MAG: variants seen among roughly 807,000 people sequenced by gnomAD.
MAG encodes the protein myelin associated glycoprotein, also known as myelin-associated glycoprotein.
In MAG, 30 loss-of-function variants were observed where a neutral mutation model predicts 60.7. The ratio of observed to expected loss-of-function variants is 0.49; its 90% CI spans 0.37 to 0.67. The LOEUF (loss-of-function observed/expected upper bound fraction) is 0.67, where lower values mean the gene tolerates loss of function less well. Among genes scored for constraint, MAG ranks in the 30% least tolerant of loss-of-function variants. The probability of loss-of-function intolerance (pLI) is 0.00; values close to 1 mark genes in which losing one functional copy is unlikely to be tolerated. For synonymous variants in MAG, 384 were observed against 376.8 expected (o/e 1.02, Z -0.22); for missense variants, 795 against 851.7 (o/e 0.93, Z 0.83).
rs539216827 is a variant in MAG at position 35,303,756 on chromosome 19, G to A, written c.1231+1048G>A. Among the ~76,000 whole-genome samples the A allele has an allele frequency of 8.9e-4, 135 of 152,058 alleles. 1 individual carries two copies. The highest frequency in any genetic ancestry group is 7.7e-4 in the East Asian group (4 of 5,166). ...ACTCACCATTGCACCGCTGGCCAGC[G>A]CCTCTCATCTCCTCACTATGGACTG... On this transcript the variant is annotated intron_variant, in intron 7 of 10. Transcript: ENST00000392213.
intron 7 of MAG, among the ~76,000 whole-genome samples, chr19:35,308,029 C>T (rs193298561): frequency 2.9e-4 from 44 of 152,274 alleles, no homozygotes; most frequent in Non-Finnish European, 5.9e-4. Flanking sequence ...CATGGTTCCT[C>T]CCTTCTACGT....
intron 7 of MAG, 160 bp from the exon 8 acceptor site, chr19:35,309,714 C>G (rs1263849665): frequency 3.8e-6 from 3 of 785,318 alleles, no homozygotes; most frequent in Non-Finnish European, 6.2e-6. Flanking sequence ...AAGGCGCTCT[C>G]AGTCAGGACA....
intron 5 of MAG, 127 bp from the exon 6 acceptor site, chr19:35,300,020 A>C (rs2066435923): frequency 5.0e-6 from 4 of 806,764 alleles, no homozygotes; most frequent in Admixed American, 6.8e-5. Context: ...GGAACCAGGC[A>C]GTCCTGGGGC....
chr19:35,293,109 G>A lies in MAG; in HGVS notation c.-80+905G>A, dbSNP rs150783518. Among the ~76,000 whole-genome samples the A allele has an allele frequency of 3.7e-4, 57 of 152,164 alleles. No homozygotes were observed. Among genetic ancestry groups the A allele is most frequent in the African/African-American group, 1.3e-3 (52 of 41,510 alleles). On this transcript the variant is annotated intron_variant, in intron 1 of 10. Coordinates refer to ENST00000392213, the MANE Select transcript of MAG (RefSeq NM_002361.4). The surrounding 1 kb of genome is among the most constrained non-coding windows in gnomAD (Gnocchi z 4.0). ...GCTTGTTTCATGTCTGCCCGGGCAC[G>A]TGCTCATCCTCATCTGCATCTCTCT... is the stretch of plus-strand genomic sequence containing the variant.
intron 4 of MAG, among the ~76,000 whole-genome samples, chr19:35,296,240 A>C (rs2066397347): frequency 6.6e-6 from 1 of 152,232 alleles, no homozygotes; most frequent in Admixed American, 6.5e-5. Context: ...ACCTGGAGAA[A>C]GGCAGTGGGG....
At position 35,310,119 on chromosome 19, in the gene MAG, C is replaced by T; in HGVS notation, c.1477C>T (p.Leu493Phe). The change falls in exon 8 of 11, where the codon CTC becomes TTC. Residue 493 changes from leucine (L) to phenylalanine (F), a missense_variant. Coordinates refer to ENST00000392213, the MANE Select transcript of MAG (RefSeq NM_002361.4). ...CCGCGTCATCTGCACCGCGAGGAAC[C>T]TCTATGGCGCCAAGAGCCTGGAGCT... is the stretch of plus-strand genomic sequence containing the variant. ...PPRVICTARNLYGAKSLELPF... is the reference protein window; with the variant it reads ...PPRVICTARNFYGAKSLELPF... The T allele has an allele frequency of 6.2e-7, 1 of 1,611,174 alleles. No individual in the cohort carries two copies. Among genetic ancestry groups the T allele is most frequent in the Non-Finnish European group, 8.5e-7 (1 of 1,178,112 alleles).
intron 1 of MAG, 78 bp from the exon 2 acceptor site, chr19:35,294,157 C>G (rs2066378718): frequency 2.8e-6 from 1 of 359,272 alleles, no homozygotes; most frequent in African/African-American, 2.2e-5. Context: ...ACAACCCATG[C>G]AGGAGATACT....
intron 2 of MAG, among the ~76,000 whole-genome samples, chr19:35,294,941 T>C (rs1568469802): frequency 6.6e-6 from 1 of 151,954 alleles, no homozygotes; most frequent in Non-Finnish European, 1.5e-5. Context: ...TGAGACCCCA[T>C]CTCAAAAAGT....
At chr19:35,310,233 T>A in intron 8 of MAG, 72 bp downstream of exon 8, 1 of 1,514,068 alleles carries the variant, frequency 6.6e-7, no homozygotes, top group Non-Finnish European at 8.9e-7. Flanking sequence ...CTCCCAAGGC[T>A]GACCAACAGC....
chr19:35,305,479 C>A (rs1165445381), intron 7 of MAG, among the ~76,000 whole-genome samples: 1 of 152,132 alleles, frequency 6.6e-6, no homozygotes, highest in Non-Finnish European at 1.5e-5. Flanking sequence ...ATTCTTCAAC[C>A]CAGTTTAATA....
rs935396435 is a variant in MAG at position 35,309,190 on chromosome 19, C to T, written c.1232-684C>T. ...GCTAGAGTCGCCTCAAAAGTGGCAC[C>T]AGAAGAATTGCCCCAAGAGAGCACC... is the stretch of plus-strand genomic sequence containing the variant. On this transcript the variant is annotated intron_variant, in intron 7 of 10. Transcript: ENST00000392213. Among the ~76,000 whole-genome samples the T allele has an allele frequency of 7.0e-4, 107 of 152,222 alleles. 1 individual carries two copies. The highest frequency in any genetic ancestry group is 2.3e-3 in the African/African-American group (95 of 41,544).
intron 6 of MAG, 145 bp downstream of exon 6, chr19:35,300,549 GTC>G: frequency 2.6e-5 from 27 of 1,022,416 alleles, no homozygotes; most frequent in Non-Finnish European, 3.6e-5. Context: ...GGGGTTGCAA[GTC>G]AAGGTGTACC....
Position 35,293,153 on chromosome 19 carries a change from A to G in MAG, c.-80+949A>G, listed in dbSNP as rs948577562. Among the ~76,000 whole-genome samples, 1 of 152,074 alleles carries G rather than the reference A, an allele frequency of 6.6e-6. No individual in the cohort carries two copies. Among genetic ancestry groups the G allele is most frequent in the African/African-American group, 2.4e-5 (1 of 41,404 alleles). ...TCTCTCTCCTGTACCTTCCTGTCAC[A>G]GGTGCAAGGGCAGCGTCGGCCAGGT... is the stretch of plus-strand genomic sequence containing the variant. On this transcript the variant is annotated intron_variant, in intron 1 of 10. Transcript: ENST00000392213. The surrounding 1 kb of genome is among the most constrained non-coding windows in gnomAD (Gnocchi z 4.0).
chr19:35,313,696 G>C lies in MAG; in HGVS notation c.*242G>C. 3 of 422,094 alleles carry C rather than the reference G, an allele frequency of 7.1e-6. No individual in the cohort carries two copies. The highest frequency in any genetic ancestry group is 1.3e-5 in the Non-Finnish European group (3 of 236,524). The allele number at this position is 422,094 out of a possible 1,614,324, so 26.1% of individuals were successfully genotyped here. On this transcript the variant is annotated 3_prime_UTR_variant, in exon 11 of 11. Coordinates refer to ENST00000392213, the MANE Select transcript of MAG (RefSeq NM_002361.4). ...CCTTTACCCTCATCTGTCTGGAGGG[G>C]AGCTCTGTCTGTCCGTGTTATTTAT... is the stretch of plus-strand genomic sequence containing the variant.
chr19:35,299,935 C>A (rs2066434840), intron 5 of MAG, 85 bp downstream of exon 5: 7 of 656,540 alleles, frequency 1.1e-5, no homozygotes, highest in Middle Eastern at 7.0e-4. Context: ...CGGCCGGAGG[C>A]GGGGCCGGGC....
chr19:35,295,892 C>A lies in MAG; in HGVS notation c.326C>A (p.Pro109His). ...NCTLLLSNVSPELGGKYYFRG... is the reference protein window; with the variant it reads ...NCTLLLSNVSHELGGKYYFRG... Reference sequence around the variant, plus strand: ...ACCCTCCTGCTCAGCAACGTCAGCCCCGAGCTGGGCGGGAAGTACTACTTC... The same window carrying A: ...ACCCTCCTGCTCAGCAACGTCAGCCACGAGCTGGGCGGGAAGTACTACTTC... Residue 109 changes from proline (P) to histidine (H), a missense_variant, in exon 4 of 11, where the codon CCC becomes CAC. Pro to His is a moderately conservative substitution (Grantham distance 77, BLOSUM62 -2). Coordinates refer to ENST00000392213, the MANE Select transcript of MAG (RefSeq NM_002361.4). The surrounding 1 kb of genome is among the most constrained non-coding windows in gnomAD (Gnocchi z 5.8). 6.2e-7 allele frequency: 1 copy of A among 1,614,046 alleles called. No individual in the cohort carries two copies.
At chr19:35,304,536 A>T (rs1035649852) in intron 7 of MAG, among the ~76,000 whole-genome samples, 1 of 150,622 alleles carries the variant, frequency 6.6e-6, no homozygotes, top group Non-Finnish European at 1.5e-5. Flanking sequence ...TCTTATTTTT[A>T]TTATTATTAT....
rs147119099 is a variant in MAG at position 35,295,609 on chromosome 19, G to A, written c.47-4G>A. Reference sequence around the variant, plus strand: ...TGAGCCTCAGCTCTCCTGCTTGCCCGCAGCCTCCCGAGGGGGTCACTGGGG... The same window carrying A: ...TGAGCCTCAGCTCTCCTGCTTGCCCACAGCCTCCCGAGGGGGTCACTGGGG... On this transcript the variant is annotated splice_region_variant and splice_polypyrimidine_tract_variant and intron_variant, in intron 3 of 10. Transcript: ENST00000392213. This position sits in a 1 kb window ranked among gnomAD's most constrained non-coding sequence, Gnocchi z 5.8. The A allele has an allele frequency of 3.8e-6, 6 of 1,598,590 alleles. No homozygotes were observed. Among genetic ancestry groups the A allele is most frequent in the African/African-American group, 1.3e-5 (1 of 74,790 alleles).
chr19:35,295,911 C>T lies in MAG; in HGVS notation c.345C>T (p.Tyr115=), dbSNP rs1599647335. Residue 115 remains tyrosine (Y), a synonymous_variant, in exon 4 of 11, where the codon TAC becomes TAT. Coordinates refer to ENST00000392213, the MANE Select transcript of MAG (RefSeq NM_002361.4). The surrounding 1 kb of genome is among the most constrained non-coding windows in gnomAD (Gnocchi z 5.8). The part of the protein sequence containing the change: ...SNVSPELGGK[Y]YFRGDLGGYN... ...TCAGCCCCGAGCTGGGCGGGAAGTA[C>T]TACTTCCGTGGGGACCTGGGCGGCT... is the stretch of plus-strand genomic sequence containing the variant. 6.2e-7 allele frequency: 1 copy of T among 1,613,962 alleles called. No homozygotes were observed. Among genetic ancestry groups the T allele is most frequent in the East Asian group, 2.2e-5 (1 of 44,886 alleles).
Sources: allele counts gnomAD v4.1 joint callset (sites outside exome capture counted in the v4.1 genomes callset), GRCh38; gene constraint gnomAD v4.1.1; non-coding constraint Gnocchi (gnomAD v3.1); transcripts MANE v1.5; gene names NCBI Gene and HGNC (gene_info 2026-07-23, HGNC 2026-07-21).